Variants in MSN observed in about 807,000 individuals in gnomAD.
MSN encodes moesin.
Under a neutral mutation model 48.0 loss-of-function variants are expected in MSN, and 2 were observed. The observed-to-expected ratio is 0.04, with a 90% CI of 0.02 to 0.13. The LOEUF (loss-of-function observed/expected upper bound fraction) is 0.13. Ranked by LOEUF, MSN falls within the 10% of genes least tolerant of loss-of-function variation. The probability of loss-of-function intolerance (pLI) is 1.00; values close to 1 mark genes in which losing one functional copy is unlikely to be tolerated. For synonymous variants in MSN, 146 were observed against 166.9 expected, an observed-to-expected ratio of 0.87 and a Z score of 0.97; for missense variants, 267 against 470.1, an observed-to-expected ratio of 0.57 and a Z score of 3.99.
chrX:65,695,077 TCTGC>T, intron 1 of MSN, among the ~76,000 whole-genome samples: 1 of 103,705 alleles, frequency 9.6e-6, no homozygotes, highest in African/African-American at 4.1e-5. Context: ...TGTGTGTGTG[TCTGC>T]GTGTGTGTGT....
At chrX:65,702,040 C>T (rs2071309839) in intron 1 of MSN, among the ~76,000 whole-genome samples, 1 of 102,356 alleles carries the variant, frequency 9.8e-6, no homozygotes, top group Non-Finnish European at 2.0e-5. Context: ...GAGTCTTCCT[C>T]TGTCGCCTGT....
intron 1 of MSN, among the ~76,000 whole-genome samples, chrX:65,632,888 A>G (rs2070569489): frequency 8.9e-6 from 1 of 112,277 alleles, no homozygotes; most frequent in African/African-American, 3.2e-5. Context: ...TGGAGGAGTC[A>G]TGATCCAAAA....
intron 1 of MSN, among the ~76,000 whole-genome samples, chrX:65,634,702 A>G (rs755264090): frequency 7.1e-5 from 8 of 113,122 alleles, no homozygotes; most frequent in African/African-American, 2.6e-4. Context: ...ATGATGACTA[A>G]TATAAAATGT....
chrX:65,615,452 C>A (rs2070361134), intron 1 of MSN, among the ~76,000 whole-genome samples: 1 of 110,388 alleles, frequency 9.1e-6, no homozygotes, highest in East Asian at 2.8e-4. Flanking sequence ...TCTCTGATGG[C>A]CAGTGATGGT....
At chrX:65,660,264 T>C (rs2070811651) in intron 1 of MSN, among the ~76,000 whole-genome samples, 1 of 111,946 alleles carries the variant, frequency 8.9e-6, no homozygotes, top group Non-Finnish European at 1.9e-5. Context: ...AATTTATTGC[T>C]TTATTTATTT....
At chrX:65,642,985 C>T (rs975518663) in intron 1 of MSN, among the ~76,000 whole-genome samples, 2 of 110,826 alleles carry the variant, frequency 1.8e-5, no homozygotes, top group African/African-American at 6.6e-5. Context: ...CCCCATCCCA[C>T]TCGCTTCTCC....
In MSN at chrX:65,708,775, C is replaced by T. The variant is rs184746938; in HGVS notation, c.13-8043C>T. ...TTGGCTCACTGCAACCTCCGCCTCT[C>T]GGGTTCAAGAGATTCTCCTGCCTCA... On this transcript the variant is annotated intron_variant, in intron 1 of 12. Transcript: ENST00000360270. Among the ~76,000 whole-genome samples, 800 of 111,184 alleles carry T rather than the reference C, an allele frequency of 7.2e-3. 8 individuals carry two copies. The highest frequency in any genetic ancestry group is 0.025 in the African/African-American group (770 of 30,576).
rs193136429 is a variant in MSN at position 65,671,092 on chromosome X, C to T, written c.12+3239C>T. ...ATGTTCTTGAGTTTCTGGTTTCCTT[C>T]CTTGGGATTTATTAGATGTTAGTAT... On this transcript the variant is annotated intron_variant, in intron 1 of 12. Coordinates refer to ENST00000360270, the MANE Select transcript of MSN (RefSeq NM_002444.3). Among the ~76,000 whole-genome samples the T allele has an allele frequency of 4.1e-4, 43 of 105,858 alleles. No homozygotes were observed. In the East Asian group the frequency reaches 0.011, roughly 28 times the overall value. The allele number at this position is 105,858 out of a possible 115,157, so 91.9% of individuals were successfully genotyped here. A position where few individuals can be genotyped will look rare whatever the true frequency, so the allele number is the denominator to read the frequency against.
intron 2 of MSN, among the ~76,000 whole-genome samples, chrX:65,725,123 T>C (rs750989977): frequency 8.9e-6 from 1 of 112,495 alleles, no homozygotes; most frequent in East Asian, 2.8e-4. Context: ...GTGAGGGCCT[T>C]TGTGCTGTTT....
intron 1 of MSN, among the ~76,000 whole-genome samples, chrX:65,656,010 A>T (rs1227630610): frequency 9.0e-6 from 1 of 111,633 alleles, no homozygotes; most frequent in Admixed American, 9.5e-5. Flanking sequence ...CAGGTGATTC[A>T]CCCGCCTTGG....
chrX:65,723,646 C>T (rs1233442431), intron 2 of MSN, among the ~76,000 whole-genome samples: 2 of 111,838 alleles, frequency 1.8e-5, no homozygotes, highest in African/African-American at 6.5e-5. Context: ...GTTTCTCTTT[C>T]CTCTGGAATG....
chrX:65,589,458 G>A (rs2070126714), intron 1 of MSN, among the ~76,000 whole-genome samples: 1 of 112,091 alleles, frequency 8.9e-6, no homozygotes, highest in South Asian at 3.7e-4. Context: ...GACCACACTT[G>A]AGAGCTCACT....
rs193286223 is a variant in MSN at position 65,688,358 on chromosome X, G to A, written c.12+20505G>A. Reference sequence around the variant, plus strand: ...CTCTCAAAGTGCTGGGATTACAGGTGTGAGCCAACACACCCAGCCAGGAAT... The same window carrying A: ...CTCTCAAAGTGCTGGGATTACAGGTATGAGCCAACACACCCAGCCAGGAAT... On this transcript the variant is annotated intron_variant, in intron 1 of 12. Transcript: ENST00000360270. Among the ~76,000 whole-genome samples, 581 of 111,975 alleles carry A rather than the reference G, an allele frequency of 5.2e-3. 2 individuals are homozygous for A. Among genetic ancestry groups the A allele is most frequent in the South Asian group, 0.024 (63 of 2,662 alleles).
intron 1 of MSN, among the ~76,000 whole-genome samples, chrX:65,688,648 C>A (rs2071142220): frequency 8.9e-6 from 1 of 112,015 alleles, no homozygotes; most frequent in Non-Finnish European, 1.9e-5. Flanking sequence ...TTCCCCCGTT[C>A]CAGTGGTTGC....
intron 1 of MSN, among the ~76,000 whole-genome samples, chrX:65,613,510 A>G (rs1361247964): frequency 8.8e-6 from 1 of 113,451 alleles, no homozygotes; most frequent in Non-Finnish European, 1.9e-5. Flanking sequence ...AAGCATTTCT[A>G]TTTCTCCACA....
intron 1 of MSN, among the ~76,000 whole-genome samples, chrX:65,687,611 C>A (rs1190583010): frequency 8.9e-6 from 1 of 111,761 alleles, no homozygotes; most frequent in African/African-American, 3.3e-5. Context: ...GTGAACTTTG[C>A]ACTCTGGAGC....
At chrX:65,644,330 C>T (rs1307487579) in intron 1 of MSN, among the ~76,000 whole-genome samples, 1 of 111,273 alleles carries the variant, frequency 9.0e-6, no homozygotes, top group Non-Finnish European at 1.9e-5. Context: ...ACCATAGACA[C>T]TTCTTAGTCC....
At chrX:65,666,415 C>T (rs898250327), upstream of MSN, among the ~76,000 whole-genome samples, 1 of 110,155 alleles carries the variant, frequency 9.1e-6, no homozygotes, top group Non-Finnish European at 1.9e-5. Flanking sequence ...TAACCTCCGC[C>T]TCCCGGGTTC....
At chrX:65,617,902 T>C (rs1397763100) in intron 1 of MSN, among the ~76,000 whole-genome samples, 1 of 109,981 alleles carries the variant, frequency 9.1e-6, no homozygotes, top group Non-Finnish European at 1.9e-5. Flanking sequence ...TTCTGGTATG[T>C]TGTGTCTTTG....
Sources: gnomAD v4.1 joint callset for allele counts (sites outside exome capture counted in the v4.1 genomes callset) on GRCh38, gnomAD v4.1.1 for gene constraint, MANE v1.5 for transcripts, NCBI Gene and HGNC (gene_info 2026-07-23, HGNC 2026-07-21) for gene names.